The following PIEZO2 variants were observed in gnomAD, a reference collection of about 807,000 sequenced individuals.
The protein encoded by PIEZO2 is piezo type mechanosensitive ion channel component 2.
Under a neutral mutation model 337.3 loss-of-function variants are expected in PIEZO2, and 172 were observed. The ratio of observed to expected loss-of-function variants is 0.51; its 90% CI spans 0.45 to 0.58. The LOEUF (loss-of-function observed/expected upper bound fraction) is 0.58. PIEZO2 is among the 20% of genes least tolerant of loss of function. The pLI is 0.00. For missense variants in PIEZO2, 3,028 were observed against 3,391.3 expected, an observed-to-expected ratio of 0.89 and a Z score of 2.66; for synonymous variants, 1,251 against 1,228.5, an observed-to-expected ratio of 1.02 and a Z score of -0.38.
At chr18:10,792,588 A>G (rs2039441978) in intron 13 of PIEZO2, among the ~76,000 whole-genome samples, 1 of 152,220 alleles carries the variant, frequency 6.6e-6, no homozygotes, top group Admixed American at 6.5e-5. Context: ...AGGTTGATCC[A>G]CTGGTAGCAT....
Position 10,748,318 on chromosome 18 carries a change from C to T in PIEZO2, c.4424+153G>A, listed in dbSNP as rs547693753. 6.9e-6 allele frequency: 5 copies of T among 729,470 alleles called. No individual in the cohort carries two copies. In the African/African-American group the frequency reaches 8.9e-5, roughly 13 times the overall value. 45.2% of individuals were successfully genotyped at this position (729,470 alleles called of 1,614,324 possible). A position where few individuals can be genotyped will look rare whatever the true frequency, so the allele number is the denominator to read the frequency against. On this transcript the variant is annotated intron_variant, in intron 30 of 55. Transcript: ENST00000674853. The surrounding 1 kb of genome is among the most constrained non-coding windows in gnomAD (Gnocchi z 5.1). ...TCCTGTTACTATTCTATTTTACAGG[C>T]CTTGTGCTAAATTCTTCTTGGATTG...
rs772296573 is a variant in PIEZO2 at position 10,726,812 on chromosome 18, G to A, written c.5029+4595C>T. The A allele has an allele frequency of 1.3e-6, 2 of 1,564,462 alleles. No homozygotes were observed. Among genetic ancestry groups the A allele is most frequent in the Non-Finnish European group, 1.8e-6 (2 of 1,141,402 alleles). On this transcript the variant is annotated intron_variant, in intron 36 of 55. Transcript: ENST00000674853. The surrounding 1 kb of genome is among the most constrained non-coding windows in gnomAD (Gnocchi z 5.9). ...GATGTGGACCACCTGCGGCCCCATG[G>A]GGTGCTGGATAATACCCGGATGCCC...
At chr18:10,893,283 A>G (rs567120749) in intron 4 of PIEZO2, among the ~76,000 whole-genome samples, 1 of 152,246 alleles carries the variant, frequency 6.6e-6, no homozygotes, top group Admixed American at 6.5e-5. Context: ...TTGTATGCCT[A>G]CACATTTGAA....
chr18:11,075,320 G>T (rs933053089), intron 1 of PIEZO2, among the ~76,000 whole-genome samples: 1 of 152,168 alleles, frequency 6.6e-6, no homozygotes, highest in East Asian at 1.9e-4. Context: ...TTACAATAGA[G>T]CAGGAAAAGA....
intron 3 of PIEZO2, among the ~76,000 whole-genome samples, chr18:10,958,770 A>G (rs1402121920): frequency 6.6e-6 from 1 of 152,214 alleles, no homozygotes; most frequent in Non-Finnish European, 1.5e-5. Flanking sequence ...ACTTCGGGCA[A>G]CCCATCATTT....
At chr18:10,698,242 A>T (rs2035184973) in intron 44 of PIEZO2, among the ~76,000 whole-genome samples, 1 of 152,254 alleles carries the variant, frequency 6.6e-6, no homozygotes, top group African/African-American at 2.4e-5. Flanking sequence ...AATATGACAT[A>T]ATCTGCCAGT....
chr18:11,121,599 A>C (rs932630915), intron 1 of PIEZO2, among the ~76,000 whole-genome samples: 1 of 152,200 alleles, frequency 6.6e-6, no homozygotes. Flanking sequence ...GCATGAGTTC[A>C]TTCTCACATA....
In PIEZO2 at chr18:11,148,705, G is replaced by T; in HGVS notation, c.-117C>A. The T allele has an allele frequency of 8.9e-7, 1 of 1,127,218 alleles. No homozygotes were observed. The highest frequency in any genetic ancestry group is 1.3e-6 in the Non-Finnish European group (1 of 790,434). The allele number at this position is 1,127,218 out of a possible 1,614,324, so 69.8% of individuals were successfully genotyped here. On this transcript the variant is annotated 5_prime_UTR_variant, in exon 1 of 56. Coordinates refer to ENST00000674853, the MANE Select transcript of PIEZO2 (RefSeq NM_001378183.1). This position sits in a 1 kb window ranked among gnomAD's most constrained non-coding sequence, Gnocchi z 5.2. ...CGCCGCCGGCAGCTCGCAGCCACCC[G>T]AGCATCGCCTCGGCGCGGGCCGCGA...
intron 3 of PIEZO2, among the ~76,000 whole-genome samples, chr18:10,921,400 T>C (rs555668962): frequency 2.7e-4 from 41 of 152,304 alleles, no homozygotes; most frequent in African/African-American, 9.4e-4. Flanking sequence ...TTAATACTTT[T>C]ATAATTTCCT....
chr18:10,689,657 T>C lies in PIEZO2; in HGVS notation c.7495A>G (p.Lys2499Glu). 1.9e-6 allele frequency: 3 copies of C among 1,614,170 alleles called. No homozygotes were observed. Among genetic ancestry groups the C allele is most frequent in the Non-Finnish European group, 2.5e-6 (3 of 1,180,018 alleles). ...AGGCACATCTCCTGGCTTCTTACCT[T>C]CTCCGACTCCCGCCAACACTTCAGG... ...FILKCWRESE[K>E]RYPQPRGQKK... Residue 2499 changes from lysine (K) to glutamate (E), a missense_variant and splice_region_variant, in exon 49 of 56, where the codon AAG (lysine) becomes GAG (glutamate). Lys to Glu is a moderately conservative substitution (Grantham distance 56). This residue lies in a region of PIEZO2 where 179 missense variants were observed against 281.8 expected (regional missense o/e 0.64). Coordinates refer to ENST00000674853, the MANE Select transcript of PIEZO2 (RefSeq NM_001378183.1).
chr18:10,909,840 C>G lies in PIEZO2; in HGVS notation c.329+1346G>C, dbSNP rs140071493. Among the ~76,000 whole-genome samples the G allele has an allele frequency of 2.7e-3, 413 of 152,314 alleles. 1 individual carries two copies. The highest frequency in any genetic ancestry group is 9.4e-3 in the African/African-American group (391 of 41,570). On this transcript the variant is annotated intron_variant, in intron 4 of 55. Transcript: ENST00000674853. Reference sequence around the variant, plus strand: ...TTTCTTTTAAGTTGGCCTATGGGATCTGACCACCCCAAATCAACTTCCCGC... The same window carrying G: ...TTTCTTTTAAGTTGGCCTATGGGATGTGACCACCCCAAATCAACTTCCCGC...
At chr18:10,720,234 G>GCGTA (rs1555631512) in intron 36 of PIEZO2, among the ~76,000 whole-genome samples, 9 of 119,902 alleles carry the variant, frequency 7.5e-5, no homozygotes, top group African/African-American at 3.0e-4. Flanking sequence ...GTGTGTGTGT[G>GCGTA]TATATATATA....
At position 10,795,527 on chromosome 18, in the gene PIEZO2, T is replaced by C. The variant is rs1001492747; in HGVS notation, c.1528-525A>G. Among the ~76,000 whole-genome samples the C allele has an allele frequency of 1.2e-4, 19 of 152,132 alleles. No homozygotes were observed. Among genetic ancestry groups the C allele is most frequent in the Non-Finnish European group, 2.1e-4 (14 of 68,034 alleles). On this transcript the variant is annotated intron_variant, in intron 12 of 55. Coordinates refer to ENST00000674853, the MANE Select transcript of PIEZO2 (RefSeq NM_001378183.1). This position sits in a 1 kb window ranked among gnomAD's most constrained non-coding sequence, Gnocchi z 4.4. ...TGCTGCAGTTTAAAGTAGCAGTTGA[T>C]GTACAGAAAATGTCAAAAAGTAACC...
At position 11,143,303 on chromosome 18, in the gene PIEZO2, T is replaced by G. The variant is rs2040709491; in HGVS notation, c.64+5222A>C. On this transcript the variant is annotated intron_variant, in intron 1 of 55. Coordinates refer to ENST00000674853, the MANE Select transcript of PIEZO2 (RefSeq NM_001378183.1). This position sits in a 1 kb window ranked among gnomAD's most constrained non-coding sequence, Gnocchi z 4.9. ...ATGCTATTCTAAGTTCTCCTGAATA[T>G]TTATGCAAAAAAGCATATTATACAC... is the stretch of plus-strand genomic sequence containing the variant. 6.6e-6 allele frequency among the ~76,000 whole-genome samples: 1 copy of G among 152,156 alleles called. No individual in the cohort carries two copies. Among genetic ancestry groups the G allele is most frequent in the Admixed American group, 6.5e-5 (1 of 15,286 alleles).
intron 3 of PIEZO2, among the ~76,000 whole-genome samples, chr18:10,965,080 C>T (rs1314476085): frequency 6.6e-6 from 1 of 152,150 alleles, no homozygotes; most frequent in Non-Finnish European, 1.5e-5. Flanking sequence ...CTGCTCTGAA[C>T]ATTTGTGAAC....
chr18:10,748,166 T>C lies in PIEZO2; in HGVS notation c.4424+305A>G, dbSNP rs2037502715. On this transcript the variant is annotated intron_variant, in intron 30 of 55. Coordinates refer to ENST00000674853, the MANE Select transcript of PIEZO2 (RefSeq NM_001378183.1). The surrounding 1 kb of genome is among the most constrained non-coding windows in gnomAD (Gnocchi z 5.1). ...ACCAACGTGGCATATGTTGCTGTTT[T>C]GTCTGAGACCAGACTGAGCCACTTC... Among the ~76,000 whole-genome samples the C allele has an allele frequency of 1.3e-5, 2 of 152,188 alleles. No homozygotes were observed. Among genetic ancestry groups the C allele is most frequent in the African/African-American group, 4.8e-5 (2 of 41,434 alleles).
intron 12 of PIEZO2, among the ~76,000 whole-genome samples, chr18:10,796,963 T>C (rs1046496210): frequency 2.0e-5 from 3 of 152,030 alleles, no homozygotes; most frequent in Non-Finnish European, 4.4e-5. Flanking sequence ...CCATCATATC[T>C]TATATACCAT....
rs116080389 is a variant in PIEZO2, at chr18:10,783,066, T to C, written c.2492+1718A>G. On this transcript the variant is annotated intron_variant, in intron 17 of 55. Coordinates refer to ENST00000674853, the MANE Select transcript of PIEZO2 (RefSeq NM_001378183.1). The surrounding 1 kb of genome is among the most constrained non-coding windows in gnomAD (Gnocchi z 4.3). Reference sequence around the variant, plus strand: ...ATTAAGAAAAATGGCAAGAAAAAGGTTCCTGCATGCTGGAGGCACTTTTAG... The same window carrying C: ...ATTAAGAAAAATGGCAAGAAAAAGGCTCCTGCATGCTGGAGGCACTTTTAG... Among the ~76,000 whole-genome samples the C allele has an allele frequency of 9.9e-3, 1,502 of 152,210 alleles. 30 individuals carry two copies. The highest frequency in any genetic ancestry group is 0.035 in the African/African-American group (1,438 of 41,514).
rs139448904 is a variant in PIEZO2 at position 11,058,680 on chromosome 18, G to A, written c.160+7447C>T. On this transcript the variant is annotated intron_variant, in intron 2 of 55. Coordinates refer to ENST00000674853, the MANE Select transcript of PIEZO2 (RefSeq NM_001378183.1). ...AACTGGAAGAAAGGGTATCGGTGAT[G>A]GAAGATGAAATGAATGAAATGAAGC... is the stretch of plus-strand genomic sequence containing the variant. Among the ~76,000 whole-genome samples the A allele has an allele frequency of 9.2e-3, 1,399 of 152,200 alleles. 16 individuals are homozygous for A. The highest frequency in any genetic ancestry group is 0.032 in the African/African-American group (1,347 of 41,514).
Sources: gnomAD v4.1 joint callset for allele counts (sites outside exome capture counted in the v4.1 genomes callset) on GRCh38, gnomAD v4.1.1 for gene constraint, gnomAD v4.1.1 regional missense constraint, Gnocchi (gnomAD v3.1) non-coding constraint, MANE v1.5 for transcripts, NCBI Gene and HGNC (gene_info 2026-07-23, HGNC 2026-07-21) for gene names.